USH2A: variants seen among roughly 807,000 people sequenced by gnomAD.
USH2A encodes usherin.
A neutral mutation model predicts 538.9 loss-of-function variants in USH2A; 443 were observed. The observed-to-expected ratio is 0.82, with a 90% CI of 0.76 to 0.89. USH2A has a LOEUF of 0.89. USH2A is among the 40% of genes least tolerant of loss of function. The pLI is 0.00. For missense variants in USH2A, 6,633 were observed against 6,324.8 expected (o/e 1.05, Z -1.65); for synonymous variants, 2,413 against 2,273.5 (o/e 1.06, Z -1.75).
intron 35 of USH2A, among the ~76,000 whole-genome samples, chr1:215,989,273 A>C (rs563292953): frequency 6.6e-6 from 1 of 152,300 alleles, no homozygotes; most frequent in African/African-American, 2.4e-5. Context: ...AAAACCAGGC[A>C]AGTAATACCT....
At chr1:216,158,191 A>T (rs938992788) in intron 21 of USH2A, among the ~76,000 whole-genome samples, 1 of 152,200 alleles carries the variant, frequency 6.6e-6, no homozygotes, top group Non-Finnish European at 1.5e-5. Flanking sequence ...TAAAGTTGCT[A>T]TGAACAACTT....
chr1:216,325,845 C>A (rs1040132291), intron 5 of USH2A, among the ~76,000 whole-genome samples: 1 of 152,096 alleles, frequency 6.6e-6, no homozygotes, highest in Non-Finnish European at 1.5e-5. Context: ...AAGAAGCATG[C>A]ATAAGCCCTT....
chr1:216,379,435 G>A (rs1455997834), intron 3 of USH2A, among the ~76,000 whole-genome samples: 1 of 151,728 alleles, frequency 6.6e-6, no homozygotes, highest in African/African-American at 2.4e-5. Context: ...GATTAAAACT[G>A]TAAATCTCTT....
chr1:215,744,573 G>C (rs769601885), intron 58 of USH2A, among the ~76,000 whole-genome samples: 1 of 152,138 alleles, frequency 6.6e-6, no homozygotes, highest in Non-Finnish European at 1.5e-5. Flanking sequence ...GTGGAATCTA[G>C]AGATAACATT....
intron 44 of USH2A, among the ~76,000 whole-genome samples, chr1:215,849,749 T>A (rs1326333261): frequency 1.3e-5 from 2 of 152,154 alleles, no homozygotes; most frequent in Non-Finnish European, 2.9e-5. Context: ...AAAAATCAGA[T>A]AAGCTTCAAA....
chr1:216,392,781 T>C (rs1269051359), intron 3 of USH2A, among the ~76,000 whole-genome samples: 1 of 152,170 alleles, frequency 6.6e-6, no homozygotes, highest in Non-Finnish European at 1.5e-5. Flanking sequence ...GCAAAATTAC[T>C]GGAAGGAATT....
intron 3 of USH2A, among the ~76,000 whole-genome samples, chr1:216,400,632 G>C (rs1206308212): frequency 1.3e-5 from 2 of 152,032 alleles, no homozygotes; most frequent in Non-Finnish European, 2.9e-5. Context: ...TCATGCTAGG[G>C]CTTTCACTAT....
At chr1:215,743,817 C>A (rs1337156651) in intron 58 of USH2A, among the ~76,000 whole-genome samples, 2 of 117,736 alleles carry the variant, frequency 1.7e-5, no homozygotes, top group Admixed American at 1.9e-4. Flanking sequence ...GAGACTCCGC[C>A]TCCAAAAAAA....
At chr1:215,778,975 A>G (rs1661542277) in intron 55 of USH2A, among the ~76,000 whole-genome samples, 1 of 152,212 alleles carries the variant, frequency 6.6e-6, no homozygotes, top group Admixed American at 6.5e-5. Context: ...CTTCTTCCCC[A>G]AACGTTTATT....
intron 37 of USH2A, among the ~76,000 whole-genome samples, chr1:215,956,548 C>T (rs114051515): frequency 0.026 from 3,940 of 152,182 alleles, 89 homozygotes; most frequent in African/African-American, 0.065. Context: ...CACAGAGATG[C>T]TCTGCAGAGT....
chr1:216,014,195 G>T (rs758529301), intron 32 of USH2A, among the ~76,000 whole-genome samples: 7 of 151,998 alleles, frequency 4.6e-5, no homozygotes, highest in Non-Finnish European at 1.0e-4. Flanking sequence ...GAGGGAAAGG[G>T]AAAAAAATGG....
chr1:216,418,465 A>G (rs1315349634), intron 3 of USH2A, 49 bp downstream of exon 3: 1 of 1,600,906 alleles, frequency 6.2e-7, no homozygotes, highest in East Asian at 2.2e-5. Context: ...AGAAAGGAAG[A>G]CAAATCCTTG....
At chr1:215,636,828 C>T (rs1656510122) in intron 69 of USH2A, among the ~76,000 whole-genome samples, 1 of 152,218 alleles carries the variant, frequency 6.6e-6, no homozygotes, top group Non-Finnish European at 1.5e-5. Context: ...AGTTGGGCAG[C>T]ACATCTTGGA....
chr1:215,862,543 C>T (rs1664347516), intron 44 of USH2A, among the ~76,000 whole-genome samples: 1 of 152,054 alleles, frequency 6.6e-6, no homozygotes, highest in African/African-American at 2.4e-5. Flanking sequence ...TGCAGATGTA[C>T]CCTAGAACTT....
chr1:215,749,870 T>C (rs1571648098), intron 58 of USH2A, among the ~76,000 whole-genome samples: 1 of 152,234 alleles, frequency 6.6e-6, no homozygotes, highest in African/African-American at 2.4e-5. Context: ...GCAATGCTCC[T>C]TTTCATAATT....
chr1:216,196,129 G>A (rs2034836612), intron 19 of USH2A, among the ~76,000 whole-genome samples: 1 of 152,102 alleles, frequency 6.6e-6, no homozygotes. Context: ...AAGTAGAAAT[G>A]TATATGAAAT....
intron 54 of USH2A, 21 bp downstream of exon 54, chr1:215,782,021 G>GTT (rs1661657393): frequency 3.1e-6 from 5 of 1,613,690 alleles, no homozygotes; most frequent in Non-Finnish European, 1.7e-6. Flanking sequence ...TTTTCCCAGA[G>GTT]TTTAGGCAAA....
intron 35 of USH2A, 97 bp from the exon 36 acceptor site, chr1:215,970,873 G>A: frequency 8.0e-7 from 1 of 1,253,442 alleles, no homozygotes; most frequent in South Asian, 1.2e-5. Flanking sequence ...CTAGTTTCAT[G>A]GAATCATTAA....
chr1:216,065,044 T>C (rs1334808693), intron 30 of USH2A, among the ~76,000 whole-genome samples: 1 of 152,224 alleles, frequency 6.6e-6, no homozygotes, highest in Non-Finnish European at 1.5e-5. Flanking sequence ...CATAGTTAAC[T>C]CTTCCCTTAG....
Sources: allele counts gnomAD v4.1 joint callset (sites outside exome capture counted in the v4.1 genomes callset), GRCh38; gene constraint gnomAD v4.1.1; transcripts MANE v1.5; gene names NCBI Gene and HGNC (gene_info 2026-07-23, HGNC 2026-07-21).